The following CYP4F22 variants were observed in gnomAD, a reference collection of about 807,000 sequenced individuals.
The protein encoded by CYP4F22 is cytochrome P450 family 4 subfamily F member 22.
Under a neutral mutation model 60.4 loss-of-function variants are expected in CYP4F22, and 37 were observed. That is an observed-to-expected ratio of 0.61 (90% confidence interval 0.47 to 0.81). The LOEUF is 0.81. Ranked by LOEUF, CYP4F22 falls within the 30% of genes least tolerant of loss-of-function variation. The pLI is 0.00. For missense variants in CYP4F22, 655 were observed against 715.0 expected (o/e 0.92, Z 0.96); for synonymous variants, 258 against 280.5 (o/e 0.92, Z 0.80).
In CYP4F22 at chr19:15,537,988, C is replaced by G. The variant is rs1302809651; in HGVS notation, c.666C>G (p.Cys222Trp). The change falls in exon 7 of 14, where the codon TGC becomes TGG. Residue 222 changes from cysteine to tryptophan, a missense_variant. This residue lies in a region of CYP4F22 where 430 missense variants were observed against 457.1 expected (regional missense o/e 0.94). Transcript: ENST00000269703. ...GTGTCTTCAGCTACAACAGCAACTG[C>G]CAAGAGTGAGTGTGACCCTTCTTGG... is the stretch of plus-strand genomic sequence containing the variant. ...QKCVFSYNSN[C>W]QEKMSDYISA... 1 of 1,614,082 alleles carries G rather than the reference C, an allele frequency of 6.2e-7. No homozygotes were observed. The highest frequency in any genetic ancestry group is 1.3e-5 in the African/African-American group (1 of 75,024).
intron 3 of CYP4F22, among the ~76,000 whole-genome samples, chr19:15,527,230 C>G (rs1039321941): frequency 1.3e-5 from 2 of 152,120 alleles, no homozygotes; most frequent in African/African-American, 4.8e-5. Context: ...TTCTTGGATT[C>G]AACCACATCC....
chr19:15,543,892 G>T, intron 8 of CYP4F22, 79 bp from the exon 9 acceptor site: 6 of 1,377,964 alleles, frequency 4.4e-6, no homozygotes, highest in Non-Finnish European at 6.2e-6. Context: ...GGGGCGGGGA[G>T]ATATCTGAGT....
At chr19:15,544,376 C>A (rs1050722957) in intron 10 of CYP4F22, 97 bp downstream of exon 10, 45 of 1,442,228 alleles carry the variant, frequency 3.1e-5, no homozygotes, top group South Asian at 7.5e-5. Context: ...TGACCTCAGA[C>A]AAGCCACTTT....
Position 15,548,160 on chromosome 19 carries a change from C to G in CYP4F22, c.1189C>G (p.Arg397Gly). The G allele has an allele frequency of 6.2e-7, 1 of 1,614,010 alleles. No individual in the cohort carries two copies. The highest frequency in any genetic ancestry group is 8.5e-7 in the Non-Finnish European group (1 of 1,180,010). ...AACTATGTGCATTAAGGAGAGCCTGCGCCAGTACCCACCTGTCACTCTTGT... is the reference window on the plus strand; with the variant it reads ...AACTATGTGCATTAAGGAGAGCCTGGGCCAGTACCCACCTGTCACTCTTGT... The part of the protein sequence containing the change: ...FTTMCIKESL[R>G]QYPPVTLVSR... Residue 397 changes from arginine to glycine, a missense_variant, in exon 11 of 14, where the codon CGC (arginine) becomes GGC (glycine). Transcript: ENST00000269703.
intron 1 of CYP4F22, among the ~76,000 whole-genome samples, chr19:15,517,695 T>C (rs1971171464): frequency 6.6e-6 from 1 of 152,180 alleles, no homozygotes; most frequent in Non-Finnish European, 1.5e-5. Flanking sequence ...CTTTAAGGCT[T>C]ACTGGGAAGA....
At chr19:15,543,389 A>T (rs188661349) in intron 8 of CYP4F22, among the ~76,000 whole-genome samples, 66 of 152,012 alleles carry the variant, frequency 4.3e-4, no homozygotes, top group African/African-American at 1.6e-3. Flanking sequence ...ATGGGGTCTT[A>T]CCATGTTGCC....
intron 1 of CYP4F22, among the ~76,000 whole-genome samples, chr19:15,511,621 A>G (rs1971093144): frequency 6.6e-6 from 1 of 152,076 alleles, no homozygotes; most frequent in Non-Finnish European, 1.5e-5. Context: ...ATCAGTGGGG[A>G]CGGGGGCAGG....
chr19:15,513,799 G>A (rs373030780), intron 1 of CYP4F22, among the ~76,000 whole-genome samples: 2 of 152,248 alleles, frequency 1.3e-5, no homozygotes, highest in African/African-American at 4.8e-5. Flanking sequence ...CACCGCACCC[G>A]GCCCAGTGCA....
At chr19:15,528,861 A>C (rs1457403404) in intron 3 of CYP4F22, among the ~76,000 whole-genome samples, 4 of 152,230 alleles carry the variant, frequency 2.6e-5, no homozygotes, top group Non-Finnish European at 1.5e-5. Context: ...TAAAGATAGC[A>C]ACAGTAGTAA....
Position 15,550,893 on chromosome 19 carries a change from A to G in CYP4F22, c.1418+137A>G, listed in dbSNP as rs561080993. ...CTGAAGACCCAGCACCCTCTCCCCA[A>G]TGCGCCAGGAGGCCCCCAAATCAGA... On this transcript the variant is annotated intron_variant, in intron 13 of 13. Transcript: ENST00000269703. The G allele has an allele frequency of 2.0e-4, 206 of 1,014,110 alleles. 1 individual carries two copies. In the African/African-American group the frequency reaches 2.9e-3, roughly 14 times the overall value. The allele number at this position is 1,014,110 out of a possible 1,614,324, so 62.8% of individuals were successfully genotyped here.
At chr19:15,524,682 GAA>G (rs1290951304) in intron 2 of CYP4F22, among the ~76,000 whole-genome samples, 7 of 147,894 alleles carry the variant, frequency 4.7e-5, no homozygotes, top group Admixed American at 4.0e-4. Context: ...GAGAGAGAGA[GAA>G]AGAAAGAAAG....
rs1390210389 is a variant in CYP4F22 at position 15,514,353 on chromosome 19, C to T, written c.-109+5770C>T. On this transcript the variant is annotated intron_variant, in intron 1 of 13. Transcript: ENST00000269703. The stretch of plus-strand genomic sequence containing the variant: ...GTCTCAGAAAAGTTTCCAAACTGTG[C>T]GATATAATTAGATACAGTTGAGAAA... Among the ~76,000 whole-genome samples, 6 of 152,094 alleles carry T rather than the reference C, an allele frequency of 3.9e-5. No homozygotes were observed. The South Asian group carries it at 8.3e-4, about 21-fold the overall frequency.
At chr19:15,547,810 G>A (rs1225860965) in intron 10 of CYP4F22, among the ~76,000 whole-genome samples, 3 of 149,166 alleles carry the variant, frequency 2.0e-5, no homozygotes, top group Admixed American at 6.7e-5. Flanking sequence ...CAACAAGAGC[G>A]AAACTCGGTC....
intron 1 of CYP4F22, 30 bp downstream of exon 1, chr19:15,508,613 C>CTGAGCG (rs1204287382): frequency 1.3e-5 from 2 of 149,704 alleles, no homozygotes; most frequent in Non-Finnish European, 2.9e-5. Flanking sequence ...GGGCTGTAAC[C>CTGAGCG]TGAGCGCGGC....
intron 4 of CYP4F22, among the ~76,000 whole-genome samples, chr19:15,531,874 G>A (rs547189759): frequency 1.3e-5 from 2 of 152,108 alleles, no homozygotes; most frequent in Non-Finnish European, 2.9e-5. Context: ...GGAGGCCACG[G>A]CAGGAGGATC....
chr19:15,509,210 T>C (rs1398491085), intron 1 of CYP4F22, among the ~76,000 whole-genome samples: 1 of 152,108 alleles, frequency 6.6e-6, no homozygotes, highest in African/African-American at 2.4e-5. Context: ...CTTCGTCTGA[T>C]AGATGCTGGA....
Position 15,540,608 on chromosome 19 carries a change from A to C in CYP4F22, c.830A>C (p.Glu277Ala), listed in dbSNP as rs750977499. Residue 277 changes from glutamate (E) to alanine (A), a missense_variant, in exon 8 of 14, where the codon GAA becomes GCA. Glu to Ala is a moderately radical substitution (Grantham distance 107). This residue lies in a region of CYP4F22 where 430 missense variants were observed against 457.1 expected (regional missense o/e 0.94). Coordinates refer to ENST00000269703, the MANE Select transcript of CYP4F22 (RefSeq NM_173483.4). ...GACATGGTGCACCACTTCACCACTG[A>C]AGTCATCCAGGAACGGCGGCGGGCA... ...ACDMVHHFTT[E>A]VIQERRRALR... 1.3e-5 allele frequency: 21 copies of C among 1,614,060 alleles called. No individual in the cohort carries two copies. Among genetic ancestry groups the C allele is most frequent in the Non-Finnish European group, 1.8e-5 (21 of 1,180,046 alleles).
At chr19:15,544,879 G>A (rs1971503213) in intron 10 of CYP4F22, among the ~76,000 whole-genome samples, 1 of 152,076 alleles carries the variant, frequency 6.6e-6, no homozygotes, top group African/African-American at 2.4e-5. Flanking sequence ...TGGCCAACAT[G>A]GTGAAACCCC....
At position 15,549,286 on chromosome 19, in the gene CYP4F22, G is replaced by T. The variant is rs189321346; in HGVS notation, c.1335+84G>T. 1,126 of 1,400,700 alleles carry T rather than the reference G, an allele frequency of 8.0e-4. 8 individuals are homozygous for T. In the African/African-American group the frequency reaches 0.014, roughly 18 times the overall value. The allele number at this position is 1,400,700 out of a possible 1,614,324, so 86.8% of individuals were successfully genotyped here. ...GAGCCAGCGAGCAGGGCTGGTTGCAGGGCCTGAGTGCGCACACCCCTCCCC... is the reference window on the plus strand; with the variant it reads ...GAGCCAGCGAGCAGGGCTGGTTGCATGGCCTGAGTGCGCACACCCCTCCCC... On this transcript the variant is annotated intron_variant, in intron 12 of 13. Transcript: ENST00000269703.
Sources: gnomAD v4.1 joint callset for allele counts (sites outside exome capture counted in the v4.1 genomes callset) on GRCh38, gnomAD v4.1.1 for gene constraint, gnomAD v4.1.1 regional missense constraint, MANE v1.5 for transcripts, NCBI Gene and HGNC (gene_info 2026-07-23, HGNC 2026-07-21) for gene names.